CNTN4: variants seen among roughly 807,000 people sequenced by gnomAD.
CNTN4 encodes contactin 4.
In CNTN4, 77 loss-of-function variants were observed where a neutral mutation model predicts 122.5. That is an observed-to-expected ratio of 0.63 (90% CI 0.52 to 0.76). The LOEUF is 0.76. Among genes scored for constraint, CNTN4 ranks in the 30% least tolerant of loss-of-function variants. CNTN4 has a pLI of 0.00. For synonymous variants in CNTN4, 512 were observed against 447.0 expected (o/e 1.15, Z -1.83); for missense variants, 1,256 against 1,259.1 (o/e 1.00, Z 0.04).
chr3:2,789,827 A>C (rs2728090), intron 6 of CNTN4, among the ~76,000 whole-genome samples: 3 of 152,020 alleles, frequency 2.0e-5, no homozygotes, highest in African/African-American at 7.3e-5. Context: ...GAGACCTGGA[A>C]AAGTATATAT....
chr3:2,517,773 AG>A (rs2149118646), intron 3 of CNTN4, among the ~76,000 whole-genome samples: 1 of 152,280 alleles, frequency 6.6e-6, no homozygotes, highest in East Asian at 1.9e-4. Flanking sequence ...AGATAGGTAA[AG>A]CTGCTCACAC....
chr3:2,313,646 A>G (rs1004701468), intron 2 of CNTN4, among the ~76,000 whole-genome samples: 1 of 152,034 alleles, frequency 6.6e-6, no homozygotes, highest in Non-Finnish European at 1.5e-5. Context: ...AGCCATGCTC[A>G]TACAGTCACT....
intron 4 of CNTN4, among the ~76,000 whole-genome samples, chr3:2,572,070 CAA>C (rs1418534472): frequency 6.6e-6 from 1 of 152,084 alleles, no homozygotes; most frequent in Non-Finnish European, 1.5e-5. Context: ...TACTCATGGC[CAA>C]CTACTAGAAA....
intron 3 of CNTN4, among the ~76,000 whole-genome samples, chr3:2,545,435 A>G (rs1046000334): frequency 6.6e-6 from 1 of 152,050 alleles, no homozygotes; most frequent in African/African-American, 2.4e-5. Flanking sequence ...TACCGCAATT[A>G]TCTGTCTAAT....
rs2046224546 is a variant in CNTN4, at chr3:2,385,639, T to C, written c.-89+46406T>C. The stretch of plus-strand genomic sequence containing the variant: ...CTGTTAGCCCCAGTTGTTCTGCAGC[T>C]TGTGGGAGCATAACTCCAAGCTCAT... On this transcript the variant is annotated intron_variant, in intron 3 of 24. Transcript: ENST00000418658. The surrounding 1 kb of genome is among the most constrained non-coding windows in gnomAD (Gnocchi z 4.0). 6.6e-6 allele frequency among the ~76,000 whole-genome samples: 1 copy of C among 152,106 alleles called. No homozygotes were observed. The highest frequency in any genetic ancestry group is 1.5e-5 in the Non-Finnish European group (1 of 68,032).
chr3:2,639,760 T>C (rs1008697057), intron 4 of CNTN4, among the ~76,000 whole-genome samples: 3 of 152,228 alleles, frequency 2.0e-5, no homozygotes, highest in African/African-American at 7.2e-5. Flanking sequence ...ACTACTGCTA[T>C]TTCTATAAAA....
chr3:2,731,317 T>C (rs1419999742), intron 4 of CNTN4, among the ~76,000 whole-genome samples: 1 of 152,178 alleles, frequency 6.6e-6, no homozygotes, highest in Non-Finnish European at 1.5e-5. Flanking sequence ...TTTATGAAGA[T>C]GGGTTTATCC....
At chr3:2,685,499 A>G (rs1369958109) in intron 4 of CNTN4, among the ~76,000 whole-genome samples, 1 of 152,208 alleles carries the variant, frequency 6.6e-6, no homozygotes, top group Non-Finnish European at 1.5e-5. Flanking sequence ...TTGGTCTTGT[A>G]CTAAGAAAAG....
At chr3:3,022,449 T>G (rs770726289) in intron 14 of CNTN4, among the ~76,000 whole-genome samples, 1 of 152,128 alleles carries the variant, frequency 6.6e-6, no homozygotes, top group Non-Finnish European at 1.5e-5. Context: ...AATAGAATCC[T>G]TATCCAATGG....
chr3:2,455,657 G>A (rs2048972365), intron 3 of CNTN4, among the ~76,000 whole-genome samples: 1 of 152,076 alleles, frequency 6.6e-6, no homozygotes, highest in African/African-American at 2.4e-5. Context: ...AATATGCAAA[G>A]TTAAATTCAG....
intron 2 of CNTN4, among the ~76,000 whole-genome samples, chr3:2,125,301 T>G (rs1200535154): frequency 1.3e-5 from 2 of 150,952 alleles, no homozygotes; most frequent in East Asian, 3.9e-4. Flanking sequence ...GATTTCCTTC[T>G]TTTTCAAGGC....
intron 3 of CNTN4, among the ~76,000 whole-genome samples, chr3:2,490,399 C>G (rs1203381395): frequency 6.6e-6 from 1 of 152,156 alleles, no homozygotes; most frequent in Non-Finnish European, 1.5e-5. Flanking sequence ...TTAGGGGGCA[C>G]TAATAATTGT....
chr3:2,102,470 TA>T (rs1488179057), intron 2 of CNTN4, among the ~76,000 whole-genome samples: 3 of 152,192 alleles, frequency 2.0e-5, no homozygotes, highest in African/African-American at 7.2e-5. Flanking sequence ...TTAGCAGATA[TA>T]ACAGATCCAA....
chr3:2,535,700 C>G (rs1275991978), intron 3 of CNTN4, among the ~76,000 whole-genome samples: 2 of 152,096 alleles, frequency 1.3e-5, no homozygotes, highest in African/African-American at 2.4e-5. Context: ...AAAAGCATCT[C>G]TGTTGGATTT....
chr3:3,028,260 G>A (rs1365499624), intron 15 of CNTN4, among the ~76,000 whole-genome samples: 1 of 152,116 alleles, frequency 6.6e-6, no homozygotes, highest in Non-Finnish European at 1.5e-5. Context: ...AGACTGCGGT[G>A]GTGGAAAATA....
intron 6 of CNTN4, among the ~76,000 whole-genome samples, chr3:2,809,218 A>G (rs2092546000): frequency 6.6e-6 from 1 of 152,176 alleles, no homozygotes; most frequent in Non-Finnish European, 1.5e-5. Flanking sequence ...GAGTAACTGG[A>G]GTCAGGTCAC....
chr3:2,927,052 A>G (rs573514813), intron 13 of CNTN4, among the ~76,000 whole-genome samples: 1 of 152,330 alleles, frequency 6.6e-6, no homozygotes, highest in South Asian at 2.1e-4. Flanking sequence ...TACTTTTAAT[A>G]TAGTTGAAAT....
At chr3:2,670,251 A>G (rs960597194) in intron 4 of CNTN4, among the ~76,000 whole-genome samples, 2 of 152,096 alleles carry the variant, frequency 1.3e-5, no homozygotes, top group Non-Finnish European at 2.9e-5. Context: ...GTCTCTAAGG[A>G]CTTGCTTTAT....
intron 3 of CNTN4, among the ~76,000 whole-genome samples, chr3:2,422,131 G>T (rs2047641396): frequency 6.6e-6 from 1 of 152,236 alleles, no homozygotes; most frequent in Admixed American, 6.5e-5. Flanking sequence ...AGGTGAAGTT[G>T]TACAGAATTA....
Sources: gnomAD v4.1 joint callset for allele counts (sites outside exome capture counted in the v4.1 genomes callset) on GRCh38, gnomAD v4.1.1 for gene constraint, Gnocchi (gnomAD v3.1) non-coding constraint, MANE v1.5 for transcripts, NCBI Gene and HGNC (gene_info 2026-07-23, HGNC 2026-07-21) for gene names.